Variants in CSNK2A2IP observed in about 807,000 individuals in gnomAD.
The protein encoded by CSNK2A2IP is casein kinase II subunit alpha'-interacting protein.
At chr3:88,406,418 G>A in the CSNK2A2IP span, among the ~76,000 whole-genome samples, 1 of 152,146 alleles carries the variant, frequency 6.6e-6, no homozygotes, top group African/African-American at 2.4e-5. Context: ...ATCTATAAAA[G>A]CCTTAGCTGG....
the CSNK2A2IP span, among the ~76,000 whole-genome samples, chr3:88,410,506 T>C: frequency 6.6e-6 from 1 of 152,044 alleles, no homozygotes; most frequent in Non-Finnish European, 1.5e-5. Context: ...AAGCAGCTTA[T>C]CTTTTGTGGT....
At chr3:88,364,732 C>T in the CSNK2A2IP span, among the ~76,000 whole-genome samples, 1 of 152,068 alleles carries the variant, frequency 6.6e-6, no homozygotes, top group Admixed American at 6.6e-5. Flanking sequence ...AATTTTTCCA[C>T]CAGTTTCCAG....
the CSNK2A2IP span, among the ~76,000 whole-genome samples, chr3:88,400,519 T>A: frequency 2.0e-5 from 3 of 152,308 alleles, no homozygotes; most frequent in East Asian, 5.8e-4. Context: ...GATAAGATTA[T>A]CATGGATTAT....
the CSNK2A2IP span, among the ~76,000 whole-genome samples, chr3:88,396,217 T>A: frequency 6.6e-6 from 1 of 150,700 alleles, no homozygotes; most frequent in Non-Finnish European, 1.5e-5. Context: ...GCCATTCTCC[T>A]GCCTCAGCCT....
At chr3:88,394,725 T>G in the CSNK2A2IP span, among the ~76,000 whole-genome samples, 4 of 152,222 alleles carry the variant, frequency 2.6e-5, no homozygotes, top group African/African-American at 9.6e-5. Flanking sequence ...CTTCACCCAT[T>G]TATTGACTAT....
chr3:88,356,420 T>C, the CSNK2A2IP span, among the ~76,000 whole-genome samples: 1 of 152,266 alleles, frequency 6.6e-6, no homozygotes, highest in Middle Eastern at 3.4e-3. Flanking sequence ...TTGCTGCAAA[T>C]GACAGTATTT....
the CSNK2A2IP span, among the ~76,000 whole-genome samples, chr3:88,383,651 CTTTTTT>C: frequency 4.5e-5 from 4 of 88,566 alleles, no homozygotes; most frequent in South Asian, 1.8e-3. Context: ...TCTTTTCTTT[CTTTTTT>C]TTTTTTTTTT....
the CSNK2A2IP span, among the ~76,000 whole-genome samples, chr3:88,414,020 C>T: frequency 2.6e-5 from 4 of 151,548 alleles, no homozygotes; most frequent in African/African-American, 4.9e-5. Flanking sequence ...CTGATAATCA[C>T]AGGCAGGAAC....
chr3:88,381,156 T>A, the CSNK2A2IP span, among the ~76,000 whole-genome samples: 4 of 152,150 alleles, frequency 2.6e-5, no homozygotes, highest in South Asian at 2.1e-4. Context: ...GTCCTGAGAT[T>A]AGGGTGTGGC....
At chr3:88,373,903 A>C in the CSNK2A2IP span, among the ~76,000 whole-genome samples, 621 of 151,748 alleles carry the variant, frequency 4.1e-3, 1 homozygote, top group African/African-American at 0.014. Context: ...GAAAGATAAA[A>C]ATGATTTGAG....
At chr3:88,430,522 GGATAAATT>G in the CSNK2A2IP span, among the ~76,000 whole-genome samples, 1 of 151,912 alleles carries the variant, frequency 6.6e-6, no homozygotes, top group South Asian at 2.1e-4. Context: ...GTCATCCATA[GGATAAATT>G]GATCAATTTG....
At chr3:88,455,292 T>C in the CSNK2A2IP span, among the ~76,000 whole-genome samples, 1 of 151,934 alleles carries the variant, frequency 6.6e-6, no homozygotes, top group Non-Finnish European at 1.5e-5. Flanking sequence ...GGAATCTCCA[T>C]ACTATTTTTT....
the CSNK2A2IP span, among the ~76,000 whole-genome samples, chr3:88,394,426 G>A: frequency 6.6e-6 from 1 of 152,160 alleles, no homozygotes; most frequent in Admixed American, 6.5e-5. Context: ...AGACTGGAGT[G>A]CAATGGCATG....
At chr3:88,434,158 A>G in the CSNK2A2IP span, among the ~76,000 whole-genome samples, 10 of 152,132 alleles carry the variant, frequency 6.6e-5, no homozygotes, top group Non-Finnish European at 1.0e-4. Flanking sequence ...TTTGTTTGCA[A>G]TGTGGAAGTT....
At chr3:88,458,133 T>G in the CSNK2A2IP span, among the ~76,000 whole-genome samples, 1 of 148,434 alleles carries the variant, frequency 6.7e-6, no homozygotes, top group Non-Finnish European at 1.5e-5. Context: ...CTGATATTTG[T>G]AATTGTGGTT....
At chr3:88,451,718 G>T in the CSNK2A2IP span, among the ~76,000 whole-genome samples, 1 of 140,024 alleles carries the variant, frequency 7.1e-6, no homozygotes. Flanking sequence ...ATTACACTCT[G>T]TAATCTCTCT....
chr3:88,346,410 A>G, the CSNK2A2IP span, among the ~76,000 whole-genome samples: 1 of 152,026 alleles, frequency 6.6e-6, no homozygotes, highest in East Asian at 1.9e-4. Flanking sequence ...TACAAAGGAG[A>G]AGTCAATGTC....
chr3:88,354,090 C>T, the CSNK2A2IP span, among the ~76,000 whole-genome samples: 2 of 152,184 alleles, frequency 1.3e-5, no homozygotes, highest in African/African-American at 2.4e-5. Flanking sequence ...CATGTGACAT[C>T]CTGCTCTCCA....
the CSNK2A2IP span, among the ~76,000 whole-genome samples, chr3:88,405,422 A>G: frequency 6.6e-6 from 1 of 152,136 alleles, no homozygotes; most frequent in Non-Finnish European, 1.5e-5. Flanking sequence ...GAAAAAGGTC[A>G]TTGAGTTCAT....
Sources: gnomAD v4.1 joint callset for allele counts (sites outside exome capture counted in the v4.1 genomes callset) on GRCh38, gnomAD v4.1.1 for gene constraint, MANE v1.5 for transcripts, NCBI Gene and HGNC (gene_info 2026-07-23, HGNC 2026-07-21) for gene names.